Variants in APIP observed in about 807,000 individuals in gnomAD.
APIP encodes APAF1 interacting protein, also known as methylthioribulose-1-phosphate dehydratase.
A neutral mutation model predicts 32.0 loss-of-function variants in APIP; 32 were observed. That is an observed-to-expected ratio of 1.00 (90% CI 0.76 to 1.34). The LOEUF (loss-of-function observed/expected upper bound fraction) is 1.34. Among genes scored for constraint, APIP ranks in the 40% most tolerant of loss-of-function variants. The pLI is 0.00. For missense variants in APIP, 247 were observed against 298.6 expected, an observed-to-expected ratio of 0.83 and a Z score of 1.27; for synonymous variants, 92 against 94.8, an observed-to-expected ratio of 0.97 and a Z score of 0.17.
chr11:34,896,834 A>G (rs569482061), intron 1 of APIP: 7 of 1,284,734 alleles, frequency 5.4e-6, no homozygotes, highest in African/African-American at 4.6e-5. Flanking sequence ...TTGAACTTCA[A>G]TTTTGATAGC....
At chr11:34,896,075 G>A (rs1257333828) in intron 1 of APIP, among the ~76,000 whole-genome samples, 1 of 152,202 alleles carries the variant, frequency 6.6e-6, no homozygotes, top group Non-Finnish European at 1.5e-5. Flanking sequence ...AGTTGGAATG[G>A]CGATCATTAA....
chr11:34,887,145 A>G (rs2985394), intron 5 of APIP, among the ~76,000 whole-genome samples: 91,303 of 151,910 alleles, frequency 0.6, 28,478 homozygotes, highest in East Asian at 0.74. Flanking sequence ...TCCCAGCTAG[A>G]CTCCAACAGA....
chr11:34,906,368 A>G (rs889710497), intron 1 of APIP, among the ~76,000 whole-genome samples: 7 of 152,230 alleles, frequency 4.6e-5, no homozygotes, highest in African/African-American at 1.7e-4. Flanking sequence ...TATCATTTCT[A>G]TGCCCTCATA....
intron 2 of APIP, among the ~76,000 whole-genome samples, chr11:34,893,253 G>A (rs1853209002): frequency 6.6e-6 from 1 of 152,076 alleles, no homozygotes; most frequent in African/African-American, 2.4e-5. Context: ...TTCATCTTGA[G>A]TCCTGCATTC....
rs745692899 is a variant in APIP, at chr11:34,883,304, A to G, written c.629+33T>C. The G allele has an allele frequency of 1.9e-6, 3 of 1,558,330 alleles. No homozygotes were observed. In the East Asian group the frequency reaches 6.9e-5, roughly 36 times the overall value. Reference sequence around the variant, plus strand: ...TTTCCTTCACATTTAGCGGGTGGTAACTTGTTCCCCATGTTCTCTGATTTA... The same window carrying G: ...TTTCCTTCACATTTAGCGGGTGGTAGCTTGTTCCCCATGTTCTCTGATTTA... On this transcript the variant is annotated intron_variant, in intron 6 of 6. Transcript: ENST00000395787.
intron 4 of APIP, 118 bp downstream of exon 4, chr11:34,888,634 A>G (rs1267055316): frequency 1.8e-6 from 2 of 1,115,602 alleles, no homozygotes; most frequent in Admixed American, 2.8e-5. Flanking sequence ...AAGTTCATGC[A>G]CTTCAAGTTC....
At chr11:34,899,658 G>T (rs930792843) in intron 1 of APIP, among the ~76,000 whole-genome samples, 3 of 152,190 alleles carry the variant, frequency 2.0e-5, no homozygotes, top group African/African-American at 7.2e-5. Flanking sequence ...AGTCTAGGAG[G>T]TTGAAGGGAA....
intron 1 of APIP, among the ~76,000 whole-genome samples, chr11:34,909,178 C>A (rs1200496151): frequency 6.6e-6 from 1 of 152,032 alleles, no homozygotes; most frequent in Non-Finnish European, 1.5e-5. Flanking sequence ...GCTTCAAAGA[C>A]TCCCAAGTGT....
At chr11:34,907,016 A>G (rs1565139262) in intron 1 of APIP, among the ~76,000 whole-genome samples, 1 of 152,174 alleles carries the variant, frequency 6.6e-6, no homozygotes, top group Non-Finnish European at 1.5e-5. Flanking sequence ...CCTTAGATCA[A>G]CCCCAGGAGG....
chr11:34,916,177 G>A (rs780056321), intron 1 of APIP, 51 bp downstream of exon 1: 36 of 1,581,834 alleles, frequency 2.3e-5, no homozygotes, highest in Non-Finnish European at 3.1e-5. Flanking sequence ...GCCGGGTCCC[G>A]CCTGGGCCTC....
chr11:34,903,178 G>C (rs1274237977), intron 1 of APIP, among the ~76,000 whole-genome samples: 3 of 152,174 alleles, frequency 2.0e-5, no homozygotes, highest in Non-Finnish European at 2.9e-5. Flanking sequence ...AAGGAAACTG[G>C]GGAAACTGTG....
At chr11:34,910,033 A>T (rs1010961268) in intron 1 of APIP, among the ~76,000 whole-genome samples, 5 of 152,212 alleles carry the variant, frequency 3.3e-5, no homozygotes, top group Admixed American at 6.5e-5. Context: ...GGTATAAAAC[A>T]GTCATCTTTG....
intron 1 of APIP, chr11:34,896,954 G>A (rs1364446787): frequency 6.6e-6 from 3 of 455,642 alleles, no homozygotes; most frequent in Non-Finnish European, 1.1e-5. Flanking sequence ...CTACCTTCAA[G>A]GTAACAGTGA....
chr11:34,903,870 A>G (rs1303809226), intron 1 of APIP, among the ~76,000 whole-genome samples: 1 of 152,238 alleles, frequency 6.6e-6, no homozygotes, highest in African/African-American at 2.4e-5. Flanking sequence ...CCTCCAGCCA[A>G]TGGAAAATCC....
At chr11:34,883,621 C>T in intron 5 of APIP, 117 bp from the exon 6 acceptor site, 1 of 979,812 alleles carries the variant, frequency 1.0e-6, no homozygotes, top group Non-Finnish European at 1.5e-6. Flanking sequence ...TGAAAAGCCA[C>T]TCCAAATTAT....
intron 5 of APIP, among the ~76,000 whole-genome samples, chr11:34,886,555 T>A (rs1247781766): frequency 6.6e-6 from 1 of 152,322 alleles, no homozygotes; most frequent in South Asian, 2.1e-4. Flanking sequence ...ATAAAGTCTA[T>A]AGTAGTGTAA....
At chr11:34,896,828 A>G (rs2986429) in intron 1 of APIP, 903,943 of 1,284,776 alleles carry the variant, frequency 0.7, 319,784 homozygotes, top group East Asian at 0.77. Context: ...GTGACCTTGA[A>G]CTTCAATTTT....
chr11:34,885,093 T>C (rs955029382), intron 5 of APIP, among the ~76,000 whole-genome samples: 2 of 148,592 alleles, frequency 1.3e-5, no homozygotes, highest in Admixed American at 1.4e-4. Flanking sequence ...AATATATGTA[T>C]ACATAGTATA....
chr11:34,905,813 G>A (rs1853441217), intron 1 of APIP, among the ~76,000 whole-genome samples: 1 of 152,046 alleles, frequency 6.6e-6, no homozygotes, highest in Non-Finnish European at 1.5e-5. Flanking sequence ...TTCCAAACAT[G>A]CCCCCTCATG....
Sources: allele counts gnomAD v4.1 joint callset (sites outside exome capture counted in the v4.1 genomes callset), GRCh38; gene constraint gnomAD v4.1.1; transcripts MANE v1.5; gene names NCBI Gene and HGNC (gene_info 2026-07-23, HGNC 2026-07-21).